PDZRN4: variants seen among roughly 807,000 people sequenced by gnomAD.
The protein encoded by PDZRN4 is PDZ domain-containing RING finger protein 4.
Under a neutral mutation model 99.0 loss-of-function variants are expected in PDZRN4, and 70 were observed. The observed-to-expected ratio is 0.71, with a 90% CI of 0.58 to 0.86. The LOEUF is 0.86. PDZRN4 is among the 40% of genes least tolerant of loss of function. PDZRN4 has a pLI of 0.00. For synonymous variants in PDZRN4, 551 were observed against 501.6 expected (o/e 1.10, Z -1.32); for missense variants, 1,474 against 1,331.2 (o/e 1.11, Z -1.67).
chr12:41,413,207 C>G (rs937043957), intron 3 of PDZRN4: 1 of 152,086 alleles, frequency 6.6e-6, no homozygotes, highest in African/African-American at 2.4e-5. Context: ...AAAATCTTGT[C>G]ATTCACAGCA....
intron 3 of PDZRN4, among the ~76,000 whole-genome samples, chr12:41,272,039 CTTTCTCTACCAAATAGAGTAT>C (rs1260519145): frequency 6.9e-6 from 1 of 145,078 alleles, no homozygotes; most frequent in Non-Finnish European, 1.5e-5. Flanking sequence ...AAAGCAATTC[CTTTCTCTACCAAATAGAGTAT>C]TTTTTTTTTT....
At chr12:41,201,308 C>T (rs1409622329) in intron 3 of PDZRN4, among the ~76,000 whole-genome samples, 2 of 152,026 alleles carry the variant, frequency 1.3e-5, no homozygotes, top group Non-Finnish European at 2.9e-5. Flanking sequence ...CCTTTGTATC[C>T]TCAAATATCC....
At chr12:41,395,171 G>A (rs1952237996) in intron 3 of PDZRN4, among the ~76,000 whole-genome samples, 1 of 152,104 alleles carries the variant, frequency 6.6e-6, no homozygotes, top group African/African-American at 2.4e-5. Context: ...GTGTGGATGA[G>A]TCTCTTCTGC....
intron 3 of PDZRN4, among the ~76,000 whole-genome samples, chr12:41,253,785 A>G (rs1423247976): frequency 6.6e-6 from 1 of 152,208 alleles, no homozygotes; most frequent in Admixed American, 6.5e-5. Context: ...ACATATACAC[A>G]ATGAGATATT....
intron 3 of PDZRN4, among the ~76,000 whole-genome samples, chr12:41,416,874 T>C (rs1273298049): frequency 6.6e-6 from 1 of 152,178 alleles, no homozygotes; most frequent in East Asian, 1.9e-4. Flanking sequence ...TGAGTCCAAA[T>C]ATGTGTAAAC....
intron 3 of PDZRN4, among the ~76,000 whole-genome samples, chr12:41,199,760 A>G (rs921252227): frequency 2.0e-5 from 3 of 152,152 alleles, no homozygotes; most frequent in African/African-American, 7.2e-5. Context: ...AATCACTCAG[A>G]CACTGAAAGT....
At chr12:41,503,639 G>A (rs1468890480) in intron 3 of PDZRN4, among the ~76,000 whole-genome samples, 2 of 152,116 alleles carry the variant, frequency 1.3e-5, no homozygotes, top group African/African-American at 4.8e-5. Context: ...AAAAATCTCT[G>A]TTGCTTCGAA....
chr12:41,571,882 C>T (rs908190311), intron 9 of PDZRN4, among the ~76,000 whole-genome samples: 3 of 152,174 alleles, frequency 2.0e-5, no homozygotes, highest in Non-Finnish European at 2.9e-5. Context: ...TACCCATTGT[C>T]AGCATATTAC....
At chr12:41,408,917 T>A (rs928151377) in intron 3 of PDZRN4, among the ~76,000 whole-genome samples, 6 of 152,106 alleles carry the variant, frequency 3.9e-5, no homozygotes, top group African/African-American at 1.4e-4. Context: ...TTATTATTAA[T>A]GCTTGCTTGA....
chr12:41,356,673 T>G (rs1951929788), intron 3 of PDZRN4, among the ~76,000 whole-genome samples: 1 of 152,058 alleles, frequency 6.6e-6, no homozygotes, highest in Non-Finnish European at 1.5e-5. Flanking sequence ...TGCACACTTT[T>G]GGGGGCTACC....
intron 3 of PDZRN4, among the ~76,000 whole-genome samples, chr12:41,454,162 T>G (rs1301651556): frequency 2.0e-5 from 3 of 152,148 alleles, no homozygotes; most frequent in Non-Finnish European, 4.4e-5. Flanking sequence ...GGCTCAATCT[T>G]CCTAGGTTTT....
chr12:41,455,219 T>G (rs1157087929), intron 3 of PDZRN4, among the ~76,000 whole-genome samples: 1 of 152,184 alleles, frequency 6.6e-6, no homozygotes, highest in African/African-American at 2.4e-5. Flanking sequence ...AAATGAAATA[T>G]AAATTATAAA....
At chr12:41,348,267 A>G (rs1951868551) in intron 3 of PDZRN4, among the ~76,000 whole-genome samples, 1 of 152,096 alleles carries the variant, frequency 6.6e-6, no homozygotes, top group African/African-American at 2.4e-5. Flanking sequence ...CAGCACTTCT[A>G]AAAGTTTGGC....
chr12:41,309,181 C>G (rs184644539), intron 3 of PDZRN4, among the ~76,000 whole-genome samples: 1 of 152,246 alleles, frequency 6.6e-6, no homozygotes, highest in Admixed American at 6.5e-5. Flanking sequence ...TAACTTGAAA[C>G]TTGAAATTTC....
At chr12:41,439,148 A>T (rs2120462228) in intron 3 of PDZRN4, among the ~76,000 whole-genome samples, 2 of 152,320 alleles carry the variant, frequency 1.3e-5, no homozygotes, top group South Asian at 4.2e-4. Context: ...TTCCAAAATG[A>T]TCTTCTGCAT....
chr12:41,520,323 G>T (rs1407657944), intron 5 of PDZRN4, among the ~76,000 whole-genome samples: 1 of 151,994 alleles, frequency 6.6e-6, no homozygotes, highest in Non-Finnish European at 1.5e-5. Flanking sequence ...TCCGCCAAAA[G>T]TCTCTAACCT....
At chr12:41,467,802 T>C (rs892263974) in intron 3 of PDZRN4, among the ~76,000 whole-genome samples, 4 of 152,248 alleles carry the variant, frequency 2.6e-5, no homozygotes, top group Non-Finnish European at 5.9e-5. Context: ...ACTGGCCAAG[T>C]AAAAGCTAAT....
intron 8 of PDZRN4, among the ~76,000 whole-genome samples, chr12:41,566,842 C>T (rs1323484597): frequency 1.3e-5 from 2 of 152,102 alleles, no homozygotes; most frequent in East Asian, 1.9e-4. Flanking sequence ...AGAGTTTTGA[C>T]GATAATCCAG....
intron 3 of PDZRN4, among the ~76,000 whole-genome samples, chr12:41,233,745 A>G (rs1951046311): frequency 6.6e-6 from 1 of 151,918 alleles, no homozygotes; most frequent in African/African-American, 2.4e-5. Context: ...CAATGAGAAC[A>G]CATGGACACA....
Sources: allele counts gnomAD v4.1 joint callset (sites outside exome capture counted in the v4.1 genomes callset), GRCh38; gene constraint gnomAD v4.1.1; transcripts MANE v1.5; gene names NCBI Gene and HGNC (gene_info 2026-07-23, HGNC 2026-07-21).